Variants in COMMD6 observed in about 807,000 individuals in gnomAD.
The protein encoded by COMMD6 is COMM domain-containing protein 6.
COMMD6 carries 11 observed loss-of-function variants against 13.4 expected under a neutral mutation model. That is an observed-to-expected ratio of 0.82 (90% confidence interval 0.52 to 1.36). The LOEUF is 1.36. Among genes scored for constraint, COMMD6 ranks in the 40% most tolerant of loss-of-function variants. The pLI, the probability that COMMD6 is intolerant of heterozygous loss-of-function variation, is 0.00. For missense variants in COMMD6, 124 were observed against 102.4 expected (o/e 1.21, Z -0.91); for synonymous variants, 43 against 36.5 (o/e 1.18, Z -0.64).
chr13:75,539,580 T>G (rs1461313790), upstream of COMMD6, among the ~76,000 whole-genome samples: 2 of 152,182 alleles, frequency 1.3e-5, no homozygotes, highest in Non-Finnish European at 2.9e-5. Context: ...ATTTTAATTA[T>G]ATTTATAAAG....
chr13:75,536,651 G>A (rs1486588180), intron 2 of COMMD6, among the ~76,000 whole-genome samples: 1 of 152,118 alleles, frequency 6.6e-6, no homozygotes, highest in Non-Finnish European at 1.5e-5. Context: ...AGCTAAGGAG[G>A]AAACATTCTC....
chr13:75,530,015 A>T, intron 3 of COMMD6, 99 bp downstream of exon 3: 1 of 925,476 alleles, frequency 1.1e-6, no homozygotes, highest in Non-Finnish European at 1.7e-6. Flanking sequence ...ATCTACAAAT[A>T]AAAACCATTA....
chr13:75,534,881 GGGAGGCCTCACTATTCAGTATA>G (rs1426998290), intron 2 of COMMD6, among the ~76,000 whole-genome samples: 9 of 152,170 alleles, frequency 5.9e-5, no homozygotes, highest in Non-Finnish European at 1.0e-4. Flanking sequence ...GAGTAAGAGA[GGGAGGCCTCACTATTCAGTATA>G]TACTAAGCAA....
rs1395139153 is a variant in COMMD6, at chr13:75,527,607, T to C, written c.208-968A>G. 1.3e-5 allele frequency among the ~76,000 whole-genome samples: 2 copies of C among 152,276 alleles called. 1 individual carries two copies. Among genetic ancestry groups the C allele is most frequent in the African/African-American group, 4.8e-5 (2 of 41,558 alleles). On this transcript the variant is annotated intron_variant, in intron 3 of 3. Coordinates refer to ENST00000682242, the MANE Select transcript of COMMD6 (RefSeq NM_203495.4). The stretch of plus-strand genomic sequence containing the variant: ...ATATTTATATTTAATATGATTATAA[T>C]GTATGTCTATATGTATATACTATGT...
chr13:75,539,837 ATG>A (rs1215890621), upstream of COMMD6, among the ~76,000 whole-genome samples: 2 of 152,200 alleles, frequency 1.3e-5, no homozygotes, highest in Non-Finnish European at 2.9e-5. Context: ...ACGTGATTAA[ATG>A]TACTAATTAG....
intron 1 of COMMD6, among the ~76,000 whole-genome samples, chr13:75,548,836 T>A (rs1212027346): frequency 2.6e-5 from 4 of 152,226 alleles, no homozygotes; most frequent in African/African-American, 9.6e-5. Context: ...CTGCTTAAGA[T>A]CCTTCAGTGG....
chr13:75,535,288 G>C lies in COMMD6; in HGVS notation c.54+2376C>G, dbSNP rs138921578. ...AATCCATCTTCGAAGGGCCCTGTAG[G>C]CCACAGTAAATACCTACGACTTTTT... On this transcript the variant is annotated intron_variant, in intron 2 of 3. Coordinates refer to ENST00000682242, the MANE Select transcript of COMMD6 (RefSeq NM_203495.4). 2.7e-3 allele frequency among the ~76,000 whole-genome samples: 408 copies of C among 152,296 alleles called. 5 individuals are homozygous for C. Among genetic ancestry groups the C allele is most frequent in the African/African-American group, 9.4e-3 (390 of 41,556 alleles).
chr13:75,527,939 G>T, intron 3 of COMMD6: 1 of 1,323,894 alleles, frequency 7.6e-7, no homozygotes, highest in South Asian at 2.3e-5. Flanking sequence ...ACAATATGGT[G>T]ACTACAGTAA....
chr13:75,545,556 T>C (rs956050056), intron 1 of COMMD6, among the ~76,000 whole-genome samples: 2 of 152,004 alleles, frequency 1.3e-5, no homozygotes, highest in African/African-American at 4.8e-5. Flanking sequence ...CACTGCGAGC[T>C]CCGCCTCCTC....
intron 2 of COMMD6, 147 bp downstream of exon 2, chr13:75,537,517 G>C: frequency 6.4e-7 from 1 of 1,570,998 alleles, no homozygotes; most frequent in Non-Finnish European, 8.6e-7. Context: ...GTGCAAAAGA[G>C]AAGGAGCAAT....
At chr13:75,545,512 GCTGGAGTGCCGTGGC>G (rs1412115590) in intron 1 of COMMD6, among the ~76,000 whole-genome samples, 2 of 151,640 alleles carry the variant, frequency 1.3e-5, no homozygotes, top group African/African-American at 4.8e-5. Flanking sequence ...TGTCACCCAG[GCTGGAGTGCCGTGGC>G]GGTGGCGCTA....
upstream of COMMD6, among the ~76,000 whole-genome samples, chr13:75,540,893 G>A (rs183001495): frequency 1.9e-4 from 29 of 152,242 alleles, no homozygotes; most frequent in South Asian, 5.8e-3. Flanking sequence ...TGTAAAAAAC[G>A]AAATTGGTAC....
At chr13:75,526,974 A>T (rs1170753405) in intron 3 of COMMD6, among the ~76,000 whole-genome samples, 4 of 152,228 alleles carry the variant, frequency 2.6e-5, no homozygotes, top group Non-Finnish European at 5.9e-5. Context: ...CCAGGCCTCA[A>T]AACACTTTCA....
At chr13:75,542,498 A>G (rs979447551), upstream of COMMD6, among the ~76,000 whole-genome samples, 1 of 152,164 alleles carries the variant, frequency 6.6e-6, no homozygotes, top group African/African-American at 2.4e-5. Flanking sequence ...CATGTTGGTC[A>G]GTCTGGTCTC....
At chr13:75,528,498 C>A (rs4884007) in intron 3 of COMMD6, among the ~76,000 whole-genome samples, 1 of 152,180 alleles carries the variant, frequency 6.6e-6, no homozygotes, top group South Asian at 2.1e-4. Context: ...TTTCAAAGCA[C>A]GGATATCTAT....
At chr13:75,528,081 G>A (rs2030332995) in intron 3 of COMMD6, among the ~76,000 whole-genome samples, 1 of 151,730 alleles carries the variant, frequency 6.6e-6, no homozygotes, top group Non-Finnish European at 1.5e-5. Flanking sequence ...CTGTGTGGGG[G>A]TGGATGTGTT....
At chr13:75,530,087 T>C (rs772842788) in intron 3 of COMMD6, 27 bp downstream of exon 3, 1 of 1,585,414 alleles carries the variant, frequency 6.3e-7, no homozygotes, top group Non-Finnish European at 8.6e-7. Context: ...AAAGCTGAGC[T>C]AAAACTGGAT....
At position 75,537,841 on chromosome 13, in the gene COMMD6, G is replaced by T; in HGVS notation, c.-36C>A. The stretch of plus-strand genomic sequence containing the variant: ...TGGGACTTGCGGCCCGGACTCGAGA[G>T]AACGCCCCCAGACCAGCGCTTCCGC... On this transcript the variant is annotated 5_prime_UTR_variant, in exon 1 of 4. Coordinates refer to ENST00000682242, the MANE Select transcript of COMMD6 (RefSeq NM_203495.4). The T allele has an allele frequency of 6.4e-7, 1 of 1,570,558 alleles. No homozygotes were observed. Among genetic ancestry groups the T allele is most frequent in the Non-Finnish European group, 8.6e-7 (1 of 1,156,670 alleles).
intron 2 of COMMD6, among the ~76,000 whole-genome samples, chr13:75,531,325 A>C (rs995053622): frequency 1.3e-5 from 2 of 152,200 alleles, no homozygotes; most frequent in African/African-American, 4.8e-5. Context: ...AGTGTGCCTC[A>C]ATCAACCATA....
Sources: allele counts gnomAD v4.1 joint callset (sites outside exome capture counted in the v4.1 genomes callset), GRCh38; gene constraint gnomAD v4.1.1; transcripts MANE v1.5; gene names NCBI Gene and HGNC (gene_info 2026-07-23, HGNC 2026-07-21).